The following AUTS2 variants were observed in gnomAD, a reference collection of about 807,000 sequenced individuals.
The protein encoded by AUTS2 is activator of transcription and developmental regulator AUTS2.
A neutral mutation model predicts 112.4 loss-of-function variants in AUTS2; 17 were observed. The ratio of observed to expected loss-of-function variants is 0.15; its 90% confidence interval spans 0.10 to 0.23. The LOEUF is 0.23. Among genes scored for constraint, AUTS2 ranks in the 10% least tolerant of loss-of-function variants. AUTS2 has a pLI of 1.00. For synonymous variants in AUTS2, 751 were observed against 702.7 expected, an observed-to-expected ratio of 1.07 and a Z score of -1.09; for missense variants, 1,510 against 1,701.6, an observed-to-expected ratio of 0.89 and a Z score of 1.98.
chr7:69,702,132 G>C (rs1052624046), intron 1 of AUTS2, among the ~76,000 whole-genome samples: 1 of 152,150 alleles, frequency 6.6e-6, no homozygotes, highest in Non-Finnish European at 1.5e-5. Context: ...CAATGGAGAG[G>C]GTAGACAGTT....
At chr7:70,704,617 C>T (rs532678070) in intron 6 of AUTS2, among the ~76,000 whole-genome samples, 1 of 152,192 alleles carries the variant, frequency 6.6e-6, no homozygotes, top group African/African-American at 2.4e-5. Context: ...AAGTAATATG[C>T]ATTCATGATA....
chr7:70,732,960 C>A (rs960876827), intron 6 of AUTS2, among the ~76,000 whole-genome samples: 1 of 152,170 alleles, frequency 6.6e-6, no homozygotes, highest in Non-Finnish European at 1.5e-5. Flanking sequence ...TGGCCCCTCA[C>A]CAAAGCTCAC....
intron 3 of AUTS2, among the ~76,000 whole-genome samples, chr7:70,128,390 G>C (rs10235487): frequency 0.33 from 49,678 of 152,044 alleles, 8,809 homozygotes; most frequent in African/African-American, 0.47. Flanking sequence ...TTTTCTAATA[G>C]AATGTTTTCT....
At chr7:70,302,945 C>G (rs960265189) in intron 4 of AUTS2, among the ~76,000 whole-genome samples, 14 of 149,368 alleles carry the variant, frequency 9.4e-5, no homozygotes, top group Admixed American at 7.4e-4. Flanking sequence ...CCATTCTGTC[C>G]TAATATATCC....
chr7:69,957,263 T>C (rs1744782402), intron 2 of AUTS2, among the ~76,000 whole-genome samples: 1 of 151,578 alleles, frequency 6.6e-6, no homozygotes, highest in Non-Finnish European at 1.5e-5. Context: ...AATGACAGAG[T>C]TGACTTTTTT....
intron 3 of AUTS2, chr7:70,119,989 G>A (rs965458723): frequency 2.0e-5 from 3 of 152,008 alleles, no homozygotes; most frequent in Non-Finnish European, 2.9e-5. Flanking sequence ...TAACGAGCGG[G>A]GAATAATTGA....
intron 5 of AUTS2, among the ~76,000 whole-genome samples, chr7:70,467,443 G>A (rs1429003407): frequency 6.6e-6 from 1 of 152,196 alleles, no homozygotes; most frequent in African/African-American, 2.4e-5. Context: ...ATCAAAATCT[G>A]ACCCAGCAGG....
At chr7:70,468,339 A>C (rs1235249117) in intron 5 of AUTS2, among the ~76,000 whole-genome samples, 1 of 152,198 alleles carries the variant, frequency 6.6e-6, no homozygotes, top group Non-Finnish European at 1.5e-5. Flanking sequence ...ACCCAGAGAA[A>C]GCAGAGAGGT....
At chr7:70,178,018 C>T (rs1464787485) in intron 4 of AUTS2, among the ~76,000 whole-genome samples, 1 of 151,436 alleles carries the variant, frequency 6.6e-6, no homozygotes. Flanking sequence ...CGGGTTCAAG[C>T]GATTCTCCTG....
intron 5 of AUTS2, among the ~76,000 whole-genome samples, chr7:70,684,241 G>A (rs1005387972): frequency 2.6e-5 from 4 of 152,154 alleles, no homozygotes; most frequent in African/African-American, 4.8e-5. Flanking sequence ...GTTTCCAGGA[G>A]GAGATAGCAA....
At chr7:70,544,841 C>T (rs1252101182) in intron 5 of AUTS2, among the ~76,000 whole-genome samples, 1 of 152,032 alleles carries the variant, frequency 6.6e-6, no homozygotes, top group Non-Finnish European at 1.5e-5. Flanking sequence ...TTTTCTCCTT[C>T]CCATGAAGAC....
chr7:70,523,736 A>G (rs1799733396), intron 5 of AUTS2, among the ~76,000 whole-genome samples: 1 of 152,194 alleles, frequency 6.6e-6, no homozygotes, highest in South Asian at 2.1e-4. Flanking sequence ...GCTCTAGCCT[A>G]TAGCTGGAAA....
chr7:70,065,097 G>A (rs1316436637), intron 2 of AUTS2, among the ~76,000 whole-genome samples: 2 of 152,240 alleles, frequency 1.3e-5, no homozygotes, highest in East Asian at 1.9e-4. Flanking sequence ...ATGATTGTGT[G>A]TAAAGAGCAC....
intron 1 of AUTS2, among the ~76,000 whole-genome samples, chr7:69,776,928 A>G (rs1474767766): frequency 2.6e-5 from 4 of 152,228 alleles, no homozygotes; most frequent in Admixed American, 2.0e-4. Flanking sequence ...ACTGCTGACT[A>G]AAGATCCAGT....
intron 4 of AUTS2, among the ~76,000 whole-genome samples, chr7:70,413,574 CTTG>C (rs986401478): frequency 5.9e-5 from 9 of 152,308 alleles, no homozygotes; most frequent in African/African-American, 2.2e-4. Flanking sequence ...GACATAGAAG[CTTG>C]TTGTTTTTGG....
chr7:70,483,759 T>C lies in AUTS2; in HGVS notation c.690+47978T>C, dbSNP rs1316988102. Among the ~76,000 whole-genome samples the C allele has an allele frequency of 9.9e-5, 15 of 151,636 alleles. No homozygotes were observed. The East Asian group carries it at 2.7e-3, about 27-fold the overall frequency. ...AATGAAAGTGAGATGTCTCATCAGC[T>C]CAGATAGAGCCAGCTCAAGCCCAGT... On this transcript the variant is annotated intron_variant, in intron 5 of 18. Transcript: ENST00000342771.
At chr7:70,252,927 C>G (rs1024036953) in intron 4 of AUTS2, among the ~76,000 whole-genome samples, 1 of 152,106 alleles carries the variant, frequency 6.6e-6, no homozygotes, top group African/African-American at 2.4e-5. Context: ...TGTTCTCTAT[C>G]CTGTTTCATT....
intron 5 of AUTS2, among the ~76,000 whole-genome samples, chr7:70,595,354 CAG>C (rs1803143893): frequency 1.3e-5 from 2 of 152,274 alleles, no homozygotes; most frequent in Admixed American, 1.3e-4. Context: ...CTAACTAGCT[CAG>C]GGGCGGGGGA....
At chr7:70,055,325 G>A (rs941103384) in intron 2 of AUTS2, among the ~76,000 whole-genome samples, 1 of 152,060 alleles carries the variant, frequency 6.6e-6, no homozygotes, top group Admixed American at 6.5e-5. Flanking sequence ...TCCCAGCTAC[G>A]TGGGAGGCTG....
Sources: gnomAD v4.1 joint callset for allele counts (sites outside exome capture counted in the v4.1 genomes callset) on GRCh38, gnomAD v4.1.1 for gene constraint, MANE v1.5 for transcripts, NCBI Gene and HGNC (gene_info 2026-07-23, HGNC 2026-07-21) for gene names.